Variants in KLF13 observed in about 807,000 individuals in gnomAD.
The protein encoded by KLF13 is Krueppel-like factor 13.
A neutral mutation model predicts 16.7 loss-of-function variants in KLF13; 8 were observed. The ratio of observed to expected loss-of-function variants is 0.48; its 90% confidence interval spans 0.28 to 0.87. KLF13 has a LOEUF of 0.87. KLF13 is among the 40% of genes least tolerant of loss of function. The pLI is 0.10. For synonymous variants in KLF13, 245 were observed against 208.4 expected (o/e 1.18, Z -1.51); for missense variants, 447 against 452.2 (o/e 0.99, Z 0.10).
chr15:31,357,877 G>A (rs562872597), intron 1 of KLF13, among the ~76,000 whole-genome samples: 4 of 152,198 alleles, frequency 2.6e-5, no homozygotes, highest in South Asian at 4.2e-4. Flanking sequence ...TGCCTTCTCT[G>A]CTGTCTTTCT....
At chr15:31,329,582 G>A (rs970349499) in intron 1 of KLF13, among the ~76,000 whole-genome samples, 7 of 152,158 alleles carry the variant, frequency 4.6e-5, no homozygotes, top group Non-Finnish European at 8.8e-5. Context: ...TCCCGCTTCA[G>A]GCTCTGGCCC....
In KLF13 at chr15:31,372,195, G is replaced by T. The variant is rs1445843287; in HGVS notation, c.763G>T (p.Gly255Ter). Residue 255 changes from glycine to a stop codon, truncating the protein, a stop_gained, in exon 2 of 2, where the codon GGA becomes TGA. Transcript: ENST00000307145. LOFTEE classifies it high-confidence loss of function. ...HARRHANFHPGMLQRRGGGSR... is the reference protein window; with the variant it reads ...HARRHANFHP ...GCGCCGCCACGCCAACTTCCACCCGGGAATGCTGCAGCGGCGCGGCGGGGG... is the reference window on the plus strand; with the variant it reads ...GCGCCGCCACGCCAACTTCCACCCGTGAATGCTGCAGCGGCGCGGCGGGGG... The T allele has an allele frequency of 6.2e-7, 1 of 1,610,370 alleles. No individual in the cohort carries two copies. Among genetic ancestry groups the T allele is most frequent in the South Asian group, 1.1e-5 (1 of 91,022 alleles).
At chr15:31,336,323 G>T (rs1257014002) in intron 1 of KLF13, among the ~76,000 whole-genome samples, 3 of 152,204 alleles carry the variant, frequency 2.0e-5, no homozygotes, top group African/African-American at 7.2e-5. Context: ...ACTGGGGATG[G>T]CAGGAGCCTT....
upstream of KLF13, chr15:31,392,763 G>C (rs1243794553): frequency 6.6e-6 from 1 of 152,242 alleles, no homozygotes; most frequent in East Asian, 1.9e-4. Flanking sequence ...GCTCGGGGCT[G>C]GGCCAGGAGC....
rs1257590245 is a variant in KLF13 at position 31,376,256 on chromosome 15, G to A, written c.*3957G>A. ...ACAGGAAGATGTGATCTGAGCAATA[G>A]TGTGGCCTTGTTTCTCCGCTTCTGG... On this transcript the variant is annotated 3_prime_UTR_variant, in exon 2 of 2. Coordinates refer to ENST00000307145, the MANE Select transcript of KLF13 (RefSeq NM_015995.4). 1 of 152,558 alleles carries A rather than the reference G, an allele frequency of 6.6e-6. No individual in the cohort carries two copies. Among genetic ancestry groups the A allele is most frequent in the East Asian group, 1.9e-4 (1 of 5,168 alleles). The allele number at this position is 152,558 out of a possible 1,614,324, so 9.5% of individuals were successfully genotyped here.
At chr15:31,330,827 G>A (rs1395701059) in intron 1 of KLF13, among the ~76,000 whole-genome samples, 1 of 152,212 alleles carries the variant, frequency 6.6e-6, no homozygotes, top group Non-Finnish European at 1.5e-5. Flanking sequence ...TTATTATTTG[G>A]CCAATTAGAA....
chr15:31,335,233 G>A (rs1158565484), intron 1 of KLF13, among the ~76,000 whole-genome samples: 1 of 152,186 alleles, frequency 6.6e-6, no homozygotes, highest in African/African-American at 2.4e-5. Context: ...GTTACCAGCT[G>A]TTTGTGAGGC....
chr15:31,395,304 A>C (rs1295692698), intron 2 of KLF13, among the ~76,000 whole-genome samples: 1 of 152,136 alleles, frequency 6.6e-6, no homozygotes, highest in African/African-American at 2.4e-5. Flanking sequence ...TGGCTTGATA[A>C]TACTCTGTCG....
intron 1 of KLF13, among the ~76,000 whole-genome samples, chr15:31,339,263 T>A (rs566959785): frequency 1.4e-4 from 21 of 152,216 alleles, no homozygotes; most frequent in East Asian, 1.3e-3. Context: ...TTTTTTTTTT[T>A]AAATTAGCAA....
chr15:31,383,655 CT>C (rs1164842401), intron 1 of KLF13, among the ~76,000 whole-genome samples: 1 of 152,244 alleles, frequency 6.6e-6, no homozygotes, highest in Non-Finnish European at 1.5e-5. Context: ...AATCCCAGCA[CT>C]TTGGGAGGCC....
chr15:31,368,928 A>G (rs1294319813), intron 1 of KLF13, among the ~76,000 whole-genome samples: 2 of 152,178 alleles, frequency 1.3e-5, no homozygotes, highest in East Asian at 1.9e-4. Context: ...CTCCCTAGAC[A>G]GCAACACTTC....
chr15:31,330,491 C>T (rs1276543897), intron 1 of KLF13, among the ~76,000 whole-genome samples: 1 of 152,180 alleles, frequency 6.6e-6, no homozygotes, highest in African/African-American at 2.4e-5. Context: ...TGATGTCTGC[C>T]CTGACCACCT....
intron 1 of KLF13, among the ~76,000 whole-genome samples, chr15:31,329,943 G>A (rs1200937667): frequency 6.6e-6 from 1 of 152,158 alleles, no homozygotes; most frequent in African/African-American, 2.4e-5. Flanking sequence ...GTGCAGTTGG[G>A]AGTGCATGTT....
chr15:31,329,489 GGCCGAGGGGAGGGGCTC>G (rs2038788375), intron 1 of KLF13, among the ~76,000 whole-genome samples: 1 of 152,188 alleles, frequency 6.6e-6, no homozygotes, highest in Non-Finnish European at 1.5e-5. Flanking sequence ...GGAGGGGGGT[GGCCGAGGGGAGGGGCTC>G]GCCGTCGTGG....
intron 1 of KLF13, among the ~76,000 whole-genome samples, chr15:31,352,881 G>C (rs942144812): frequency 2.0e-5 from 3 of 152,194 alleles, no homozygotes; most frequent in African/African-American, 7.2e-5. Flanking sequence ...GGACCTCCAG[G>C]GTGGCTACTT....
chr15:31,361,481 G>T (rs559952973), intron 1 of KLF13, among the ~76,000 whole-genome samples: 1 of 152,268 alleles, frequency 6.6e-6, no homozygotes, highest in South Asian at 2.1e-4. Flanking sequence ...TGTACATGCA[G>T]CTGTTTGTGC....
chr15:31,399,110 T>A (rs2039997726), intron 2 of KLF13, among the ~76,000 whole-genome samples: 1 of 152,144 alleles, frequency 6.6e-6, no homozygotes, highest in South Asian at 2.1e-4. Context: ...TGGGCAAAGT[T>A]GCAATCACCC....
Position 31,340,761 on chromosome 15 carries a change from A to G in KLF13, c.577+12972A>G, listed in dbSNP as rs1226220224. ...GTGCACACACCTGTACCAGCTGCTC[A>G]GGAGCCTGCAGGCAGGAGGATCACT... is the stretch of plus-strand genomic sequence containing the variant. On this transcript the variant is annotated intron_variant, in intron 1 of 1. Coordinates refer to ENST00000307145, the MANE Select transcript of KLF13 (RefSeq NM_015995.4). Among the ~76,000 whole-genome samples the G allele has an allele frequency of 4.6e-5, 7 of 152,256 alleles. 1 individual carries two copies. In the East Asian group the frequency reaches 1.4e-3, roughly 29 times the overall value.
intron 1 of KLF13, among the ~76,000 whole-genome samples, 160 bp from the exon 2 acceptor site, chr15:31,371,850 C>T (rs1190012366): frequency 1.3e-5 from 2 of 152,358 alleles, no homozygotes; most frequent in Admixed American, 1.3e-4. Flanking sequence ...GGCCCACCTT[C>T]ATCTCTGCCT....
Sources: gnomAD v4.1 joint callset for allele counts (sites outside exome capture counted in the v4.1 genomes callset) on GRCh38, gnomAD v4.1.1 for gene constraint, MANE v1.5 for transcripts, NCBI Gene and HGNC (gene_info 2026-07-23, HGNC 2026-07-21) for gene names.